The following SGCD variants were observed in gnomAD, a reference collection of about 807,000 sequenced individuals.
SGCD encodes the protein sarcoglycan delta, also known as delta-sarcoglycan.
A neutral mutation model predicts 36.6 loss-of-function variants in SGCD; 18 were observed. The ratio of observed to expected loss-of-function variants is 0.49; its 90% confidence interval spans 0.34 to 0.73. The LOEUF is 0.73. Among genes scored for constraint, SGCD ranks in the 30% least tolerant of loss-of-function variants. The probability of loss-of-function intolerance (pLI) is 0.01; values close to 1 mark genes in which losing one functional copy is unlikely to be tolerated. For synonymous variants in SGCD, 133 were observed against 130.6 expected (o/e 1.02, Z -0.12); for missense variants, 387 against 346.7 (o/e 1.12, Z -0.92).
chr5:155,837,637 A>G, the SGCD span, among the ~76,000 whole-genome samples: 1 of 152,190 alleles, frequency 6.6e-6, no homozygotes, highest in Non-Finnish European at 1.5e-5. Context: ...TCACATGCAC[A>G]AGCCCCTTCA....
chr5:156,356,626 T>A (rs947657646), intron 3 of SGCD, among the ~76,000 whole-genome samples: 1 of 152,194 alleles, frequency 6.6e-6, no homozygotes, highest in South Asian at 2.1e-4. Flanking sequence ...ATTGCAAAGT[T>A]CTAGAGGAGT....
At chr5:156,024,029 A>T (rs1395834182) in intron 1 of SGCD, among the ~76,000 whole-genome samples, 1 of 152,152 alleles carries the variant, frequency 6.6e-6, no homozygotes, top group African/African-American at 2.4e-5. Context: ...TGCTGTTGCT[A>T]CCTTTAATTT....
At chr5:156,657,393 C>T (rs1002659310) in intron 7 of SGCD, among the ~76,000 whole-genome samples, 1 of 130,442 alleles carries the variant, frequency 7.7e-6, no homozygotes, top group African/African-American at 2.8e-5. Context: ...CTATCCCTCC[C>T]CCCTCCCCCC....
intron 1 of SGCD, among the ~76,000 whole-genome samples, chr5:155,882,225 G>A (rs926524329): frequency 6.6e-6 from 1 of 151,722 alleles, no homozygotes; most frequent in Non-Finnish European, 1.5e-5. Context: ...GCAAGTAGCT[G>A]GGTCTACACC....
the SGCD span, among the ~76,000 whole-genome samples, chr5:155,851,950 C>T: frequency 3.9e-5 from 6 of 152,178 alleles, no homozygotes; most frequent in Non-Finnish European, 8.8e-5. Flanking sequence ...CCTCAATTGA[C>T]TGAGCTCCTT....
chr5:156,139,836 C>T (rs1762535022), intron 3 of SGCD, among the ~76,000 whole-genome samples: 1 of 152,178 alleles, frequency 6.6e-6, no homozygotes, highest in African/African-American at 2.4e-5. Context: ...TGCAATGCAA[C>T]ATTGTTAAAG....
chr5:156,474,850 T>G (rs573319110), intron 3 of SGCD, among the ~76,000 whole-genome samples: 1 of 152,240 alleles, frequency 6.6e-6, no homozygotes, highest in South Asian at 2.1e-4. Context: ...ATCTCAGTGG[T>G]TCAGCACTTC....
At chr5:156,605,606 T>A (rs987350202) in intron 6 of SGCD, among the ~76,000 whole-genome samples, 3 of 152,194 alleles carry the variant, frequency 2.0e-5, no homozygotes, top group Non-Finnish European at 2.9e-5. Flanking sequence ...TAATTCTAGA[T>A]CCCTGAGGAA....
chr5:156,040,939 A>G (rs1447755937), intron 1 of SGCD, among the ~76,000 whole-genome samples: 1 of 152,196 alleles, frequency 6.6e-6, no homozygotes, highest in African/African-American at 2.4e-5. Flanking sequence ...CTATTAATAA[A>G]ACATCATCAG....
chr5:156,229,299 T>TATATATATATATATATATATATATATAA lies in SGCD; in HGVS notation c.-43-100234_-43-100233insTATATATATATATATATATATATATAAA, dbSNP rs1561575035. 1.3e-4 allele frequency among the ~76,000 whole-genome samples: 10 copies of TATATATATATATATATATATATATATAA among 76,412 alleles called. No individual in the cohort carries two copies. In the East Asian group the frequency reaches 0.014, roughly 105 times the overall value. The allele number at this position is 76,412 out of a possible 152,430, so 50.1% of individuals were successfully genotyped here. Reference sequence around the variant, plus strand: ...ATACATATATATATATATATATATATAAAATTAGTTCTTCCATTGGTTCTT... The same window carrying TATATATATATATATATATATATATATAA: ...ATACATATATATATATATATATATATATATATATATATATATATATATATATAAAAAATTAGTTCTTCCATTGGTTCTT... On this transcript the variant is annotated intron_variant, in intron 3 of 9. Coordinates refer to the SGCD transcript ENST00000517913.
intron 3 of SGCD, among the ~76,000 whole-genome samples, chr5:156,486,628 AC>A (rs1755674545): frequency 6.6e-6 from 1 of 151,608 alleles, no homozygotes; most frequent in Middle Eastern, 3.2e-3. Context: ...GCATCATCTC[AC>A]CTGCCACTGC....
chr5:156,298,517 A>G (rs114668162), intron 3 of SGCD, among the ~76,000 whole-genome samples: 2,147 of 151,558 alleles, frequency 0.014, 23 homozygotes, highest in Non-Finnish European at 0.024. Flanking sequence ...CTGATGATCA[A>G]TGATACTGAG....
At chr5:156,620,070 A>G (rs1013825754) in intron 6 of SGCD, among the ~76,000 whole-genome samples, 5 of 152,224 alleles carry the variant, frequency 3.3e-5, no homozygotes, top group African/African-American at 1.2e-4. Flanking sequence ...ATACGTCAGC[A>G]GAATAAGTGA....
At chr5:156,058,645 G>C (rs1760123845) in intron 1 of SGCD, among the ~76,000 whole-genome samples, 1 of 146,300 alleles carries the variant, frequency 6.8e-6, no homozygotes, top group Non-Finnish European at 1.5e-5. Flanking sequence ...GAGACAGTTG[G>C]AAATATGAAT....
At chr5:156,068,369 G>A (rs187591605) in intron 1 of SGCD, among the ~76,000 whole-genome samples, 7 of 151,864 alleles carry the variant, frequency 4.6e-5, no homozygotes, top group South Asian at 2.1e-4. Flanking sequence ...GAGAATATGC[G>A]GTGTTTGATT....
intron 4 of SGCD, among the ~76,000 whole-genome samples, chr5:156,580,939 C>T (rs143892813): frequency 6.6e-6 from 1 of 152,152 alleles, no homozygotes; most frequent in African/African-American, 2.4e-5. Flanking sequence ...CACTTTTTTC[C>T]GTTGCTGGTG....
At chr5:155,800,465 A>C in the SGCD span, among the ~76,000 whole-genome samples, 1 of 152,070 alleles carries the variant, frequency 6.6e-6, no homozygotes, top group Non-Finnish European at 1.5e-5. Context: ...TGAGCTACTG[A>C]CCTTTTCTGT....
chr5:156,085,988 G>A (rs968103969), intron 1 of SGCD, among the ~76,000 whole-genome samples: 1 of 152,236 alleles, frequency 6.6e-6, no homozygotes, highest in Non-Finnish European at 1.5e-5. Context: ...ATACTTGAAC[G>A]TTTTAAAAGG....
chr5:156,409,542 C>T (rs1772629498), intron 3 of SGCD, among the ~76,000 whole-genome samples: 1 of 152,180 alleles, frequency 6.6e-6, no homozygotes, highest in Admixed American at 6.5e-5. Flanking sequence ...CTTTCCTTTC[C>T]TTGTGTTTCC....
Sources: gnomAD v4.1 joint callset for allele counts (sites outside exome capture counted in the v4.1 genomes callset) on GRCh38, gnomAD v4.1.1 for gene constraint, MANE v1.5 for transcripts, NCBI Gene and HGNC (gene_info 2026-07-23, HGNC 2026-07-21) for gene names.